LPAR1: variants seen among roughly 807,000 people sequenced by gnomAD.
LPAR1 encodes the protein LPA receptor 1.
In LPAR1, 5 loss-of-function variants were observed where a neutral mutation model predicts 23.8. The observed-to-expected ratio is 0.21, with a 90% confidence interval of 0.11 to 0.44. The LOEUF (loss-of-function observed/expected upper bound fraction) is 0.44, where lower values mean the gene tolerates loss of function less well. Among genes scored for constraint, LPAR1 ranks in the 20% least tolerant of loss-of-function variants. The pLI is 0.99. For synonymous variants in LPAR1, 160 were observed against 164.7 expected (o/e 0.97, Z 0.22); for missense variants, 311 against 482.8 (o/e 0.64, Z 3.33).
rs956282319 is a variant in LPAR1, at chr9:110,874,308, T to G, written c.*1113A>C. 5 of 152,610 alleles carry G rather than the reference T, an allele frequency of 3.3e-5. No individual in the cohort carries two copies. The highest frequency in any genetic ancestry group is 1.2e-4 in the African/African-American group (5 of 41,452). 9.5% of individuals were successfully genotyped at this position (152,610 alleles called of 1,614,324 possible). On this transcript the variant is annotated 3_prime_UTR_variant, in exon 6 of 6. Coordinates refer to ENST00000683809, the MANE Select transcript of LPAR1 (RefSeq NM_001351411.2). Reference sequence around the variant, plus strand: ...TAATATAGCCATTAAAATTATGTTTTTGTAAAATTTTTAATGCCATAAGAA... The same window carrying G: ...TAATATAGCCATTAAAATTATGTTTGTGTAAAATTTTTAATGCCATAAGAA...
At chr9:110,980,547 C>T (rs938932336) in intron 2 of LPAR1, among the ~76,000 whole-genome samples, 41 of 151,722 alleles carry the variant, frequency 2.7e-4, no homozygotes, top group Non-Finnish European at 8.8e-5. Context: ...GCAATGTTCT[C>T]GCTCCTATGT....
At chr9:110,997,225 A>C (rs2097030604) in intron 2 of LPAR1, among the ~76,000 whole-genome samples, 1 of 152,186 alleles carries the variant, frequency 6.6e-6, no homozygotes. Flanking sequence ...CAGATATTCC[A>C]TCATTTACTT....
chr9:110,938,940 T>A (rs141880180), intron 5 of LPAR1, among the ~76,000 whole-genome samples: 1 of 152,176 alleles, frequency 6.6e-6, no homozygotes, highest in Non-Finnish European at 1.5e-5. Flanking sequence ...TGTTCTGTGC[T>A]ACCCTGCCTA....
rs2095132832 is a variant in LPAR1 at position 110,941,965 on chromosome 9, A to G, written c.249T>C (p.Pro83=). ...CCAGATTAGCCATTAGGTAATAAAT[A>G]GGAAAATGGAAGCGGCGGTTGACAT... ...AIYVNRRFHF[P]IYYLMANLAA... is the part of the protein sequence containing the mutation. The change falls in exon 5 of 6, where the codon CCT becomes CCC. Residue 83 remains proline, a synonymous_variant. Transcript: ENST00000683809. This position sits in a 1 kb window ranked among gnomAD's most constrained non-coding sequence, Gnocchi z 6.1. 1 of 1,614,192 alleles carries G rather than the reference A, an allele frequency of 6.2e-7. No homozygotes were observed. Among genetic ancestry groups the G allele is most frequent in the East Asian group, 2.2e-5 (1 of 44,884 alleles).
intron 2 of LPAR1, among the ~76,000 whole-genome samples, chr9:110,991,297 G>C (rs932651398): frequency 6.6e-6 from 1 of 152,040 alleles, no homozygotes. Flanking sequence ...TAGCTCTCCA[G>C]AAACGTGCAT....
chr9:110,881,049 T>A (rs933059083), intron 5 of LPAR1, among the ~76,000 whole-genome samples: 1 of 152,202 alleles, frequency 6.6e-6, no homozygotes, highest in Non-Finnish European at 1.5e-5. Context: ...CTTTTTGAGA[T>A]TAACGCTTTT....
chr9:110,979,320 A>C (rs540464613), intron 2 of LPAR1, among the ~76,000 whole-genome samples: 2 of 152,220 alleles, frequency 1.3e-5, no homozygotes, highest in African/African-American at 4.8e-5. Context: ...AAAGTAAAGA[A>C]GACTAGAACA....
intron 2 of LPAR1, among the ~76,000 whole-genome samples, chr9:111,008,642 G>A (rs1372577257): frequency 6.6e-6 from 1 of 152,156 alleles, no homozygotes; most frequent in Non-Finnish European, 1.5e-5. Context: ...CAGGGAGAGG[G>A]TCAGAAAATG....
At chr9:110,933,712 G>C (rs1418458459) in intron 5 of LPAR1, among the ~76,000 whole-genome samples, 1 of 152,164 alleles carries the variant, frequency 6.6e-6, no homozygotes, top group African/African-American at 2.4e-5. Flanking sequence ...AAAAGTAAAT[G>C]ACTTTCCAAC....
chr9:110,982,288 A>G (rs755321476), intron 2 of LPAR1, among the ~76,000 whole-genome samples: 5 of 152,214 alleles, frequency 3.3e-5, no homozygotes, highest in Non-Finnish European at 7.3e-5. Flanking sequence ...ATGGAATACT[A>G]TGCAGCCATA....
At chr9:111,014,491 G>C (rs925827502) in intron 2 of LPAR1, among the ~76,000 whole-genome samples, 4 of 151,802 alleles carry the variant, frequency 2.6e-5, no homozygotes, top group Non-Finnish European at 5.9e-5. Context: ...TGAATGATCC[G>C]AGCCATTCTT....
intron 2 of LPAR1, among the ~76,000 whole-genome samples, chr9:111,012,700 A>G (rs567854386): frequency 2.7e-4 from 41 of 152,254 alleles, no homozygotes; most frequent in African/African-American, 8.9e-4. Flanking sequence ...GGGGCAAAAT[A>G]AAGAGCCTAA....
intron 5 of LPAR1, among the ~76,000 whole-genome samples, chr9:110,895,694 A>G (rs113276568): frequency 0.024 from 3,692 of 152,158 alleles, 139 homozygotes; most frequent in African/African-American, 0.084. Flanking sequence ...AGCTGGATGC[A>G]CTCTGGCCAC....
intron 2 of LPAR1, among the ~76,000 whole-genome samples, chr9:110,978,667 T>C (rs1340443941): frequency 1.3e-5 from 2 of 152,170 alleles, no homozygotes; most frequent in African/African-American, 2.4e-5. Flanking sequence ...TCTTCTTTCT[T>C]ATTATCTCTT....
intron 2 of LPAR1, chr9:110,999,532 T>C: frequency 4.7e-6 from 2 of 426,790 alleles, no homozygotes; most frequent in Non-Finnish European, 9.3e-6. Flanking sequence ...TACCACAGAC[T>C]GGGTGGCTTA....
At position 110,972,220 on chromosome 9, in the gene LPAR1, CCTGGAAAACAA is replaced by C; in HGVS notation, c.-103-11_-103-1del. ...AAGTCATGCTAGGAGAAGCTGTGTA[CCTGGAAAACAA>C]CAGGAAAACCCACATTTAGCATAAA... On this transcript the variant is annotated splice_acceptor_variant and splice_polypyrimidine_tract_variant and intron_variant, in intron 3 of 5. Coordinates refer to ENST00000683809, the MANE Select transcript of LPAR1 (RefSeq NM_001351411.2). LOFTEE classifies it low-confidence loss of function (5UTR_SPLICE). The C allele has an allele frequency of 2.9e-6, 3 of 1,023,418 alleles. No homozygotes were observed. The highest frequency in any genetic ancestry group is 4.6e-6 in the Non-Finnish European group (3 of 651,500). The allele number at this position is 1,023,418 out of a possible 1,614,324, so 63.4% of individuals were successfully genotyped here. A position where few individuals can be genotyped will look rare whatever the true frequency, so the allele number is the denominator to read the frequency against.
chr9:110,967,829 T>C (rs1004483823), intron 4 of LPAR1, among the ~76,000 whole-genome samples: 5 of 152,120 alleles, frequency 3.3e-5, no homozygotes, highest in African/African-American at 1.2e-4. Flanking sequence ...AATTGACATA[T>C]AATTAGGAGG....
At chr9:111,036,615 G>C (rs1365089423) in intron 1 of LPAR1, among the ~76,000 whole-genome samples, 1 of 152,126 alleles carries the variant, frequency 6.6e-6, no homozygotes, top group Non-Finnish European at 1.5e-5. Flanking sequence ...TGGGGAGACG[G>C]AGACCAGGAT....
chr9:111,018,166 AC>A (rs796830321), intron 2 of LPAR1, among the ~76,000 whole-genome samples: 3 of 152,326 alleles, frequency 2.0e-5, no homozygotes, highest in African/African-American at 7.2e-5. Context: ...GAGAACATCC[AC>A]CAATGAGGTC....
Sources: gnomAD v4.1 joint callset for allele counts (sites outside exome capture counted in the v4.1 genomes callset) on GRCh38, gnomAD v4.1.1 for gene constraint, Gnocchi (gnomAD v3.1) non-coding constraint, MANE v1.5 for transcripts, NCBI Gene and HGNC (gene_info 2026-07-23, HGNC 2026-07-21) for gene names.